Variants in LRRC74A observed in about 807,000 individuals in gnomAD.
LRRC74A encodes the protein leucine-rich repeat-containing protein 74A.
In LRRC74A, 44 loss-of-function variants were observed where a neutral mutation model predicts 57.9. The observed-to-expected ratio is 0.76, with a 90% CI of 0.60 to 0.98. The LOEUF is 0.98. LRRC74A is among the 50% of genes least tolerant of loss of function. LRRC74A has a pLI of 0.00. For missense variants in LRRC74A, 572 were observed against 574.0 expected (o/e 1.00, Z 0.04); for synonymous variants, 211 against 219.4 (o/e 0.96, Z 0.34).
intron 7 of LRRC74A, 49 bp from the exon 8 acceptor site, chr14:76,852,316 G>A: frequency 6.9e-7 from 1 of 1,443,376 alleles, no homozygotes; most frequent in Non-Finnish European, 9.6e-7. Context: ...TCTGAGAATG[G>A]GTTTTCTGGG....
chr14:76,842,441 A>C (rs1219492965), intron 5 of LRRC74A, among the ~76,000 whole-genome samples: 1 of 152,246 alleles, frequency 6.6e-6, no homozygotes, highest in Non-Finnish European at 1.5e-5. Context: ...CAGACTGGTG[A>C]AATCAGAATC....
chr14:76,845,685 A>G (rs768716716), intron 7 of LRRC74A, among the ~76,000 whole-genome samples: 10 of 152,222 alleles, frequency 6.6e-5, no homozygotes, highest in Non-Finnish European at 1.2e-4. Context: ...CATTTGAAAC[A>G]TGCATATGAT....
intron 2 of LRRC74A, chr14:76,829,182 A>G: frequency 7.8e-7 from 1 of 1,289,410 alleles, no homozygotes; most frequent in Non-Finnish European, 1.0e-6. Context: ...CAAACTTCCC[A>G]GGCCAAGCCT....
Position 76,853,366 on chromosome 14 carries a change from AT to A in LRRC74A, c.914del (p.Ile305ThrfsTer14). 1 of 1,613,150 alleles carries A rather than the reference AT, an allele frequency of 6.2e-7. No homozygotes were observed. The highest frequency in any genetic ancestry group is 8.5e-7 in the Non-Finnish European group (1 of 1,179,688). On this transcript the variant is annotated frameshift_variant, in exon 9 of 14. Transcript: ENST00000689127. LOFTEE classifies it high-confidence loss of function. ...NDIGNEGASK[I>X]SKGLESNESL... ...CATCGGCAATGAAGGGGCCTCCAAA[AT>A]CAGCAAAGGACTGGAATCCAATGAA... is the stretch of plus-strand genomic sequence containing the variant.
chr14:76,865,899 G>C (rs1012502025), intron 11 of LRRC74A, 69 bp from the exon 12 acceptor site: 1 of 1,227,130 alleles, frequency 8.1e-7, no homozygotes, highest in Non-Finnish European at 1.2e-6. Context: ...TTTTGTGGGA[G>C]GGAAGGGGGA....
intron 12 of LRRC74A, among the ~76,000 whole-genome samples, chr14:76,866,425 A>G (rs1292231767): frequency 1.3e-5 from 2 of 152,130 alleles, no homozygotes; most frequent in Non-Finnish European, 2.9e-5. Context: ...AAGTCCCAAC[A>G]TTTCCACCTT....
intron 4 of LRRC74A, 150 bp downstream of exon 4, chr14:76,836,464 C>T (rs1027028023): frequency 1.7e-6 from 1 of 573,502 alleles, no homozygotes; most frequent in East Asian, 2.9e-5. Context: ...AGGAGGGCCA[C>T]ATGTGAGAGG....
intron 11 of LRRC74A, among the ~76,000 whole-genome samples, chr14:76,861,771 G>A (rs1413585321): frequency 1.3e-5 from 2 of 152,224 alleles, no homozygotes; most frequent in Admixed American, 6.5e-5. Context: ...CCCTGCAGTG[G>A]GGGCAAGGAG....
intron 11 of LRRC74A, among the ~76,000 whole-genome samples, chr14:76,863,787 C>G (rs992420578): frequency 1.3e-5 from 2 of 152,224 alleles, no homozygotes; most frequent in Non-Finnish European, 1.5e-5. Context: ...CAAACAGACT[C>G]TTGTTAGATT....
intron 3 of LRRC74A, among the ~76,000 whole-genome samples, chr14:76,831,739 C>T (rs1470868144): frequency 1.3e-5 from 2 of 152,118 alleles, no homozygotes; most frequent in African/African-American, 4.8e-5. Context: ...GTCTTCATTC[C>T]AAAGCTCACT....
chr14:76,864,968 GATAA>G (rs570247377), intron 11 of LRRC74A, among the ~76,000 whole-genome samples: 6 of 152,362 alleles, frequency 3.9e-5, no homozygotes, highest in African/African-American at 1.4e-4. Flanking sequence ...AGATTAGATA[GATAA>G]ATGTTATACA....
chr14:76,859,487 T>C (rs1898134459), intron 10 of LRRC74A, among the ~76,000 whole-genome samples: 1 of 149,576 alleles, frequency 6.7e-6, no homozygotes, highest in East Asian at 2.0e-4. Context: ...TAAGCCAAGA[T>C]TGCACCATTG....
intron 3 of LRRC74A, among the ~76,000 whole-genome samples, chr14:76,834,903 A>G (rs967254485): frequency 3.3e-5 from 5 of 152,180 alleles, no homozygotes; most frequent in African/African-American, 1.2e-4. Flanking sequence ...ACCAGAAGAC[A>G]TTTCAGGAAG....
chr14:76,852,965 T>C (rs1395770444), intron 8 of LRRC74A, among the ~76,000 whole-genome samples: 1 of 152,096 alleles, frequency 6.6e-6, no homozygotes, highest in Non-Finnish European at 1.5e-5. Flanking sequence ...CAGGGTGACA[T>C]CTTTGGATAC....
At chr14:76,849,658 C>T (rs1001422814) in intron 7 of LRRC74A, among the ~76,000 whole-genome samples, 3 of 123,464 alleles carry the variant, frequency 2.4e-5, no homozygotes, top group African/African-American at 8.2e-5. Flanking sequence ...AAAAAATTAG[C>T]TGGACGTGGT....
chr14:76,859,403 G>A (rs191160299), intron 10 of LRRC74A, among the ~76,000 whole-genome samples: 57 of 152,004 alleles, frequency 3.7e-4, no homozygotes, highest in African/African-American at 1.3e-3. Context: ...CCATGGTGGC[G>A]CATGCCTGTA....
chr14:76,865,334 GA>G (rs1028300508), intron 11 of LRRC74A, among the ~76,000 whole-genome samples: 2 of 152,114 alleles, frequency 1.3e-5, no homozygotes, highest in African/African-American at 4.8e-5. Context: ...CATATTGGTG[GA>G]TTTTGGTATC....
intron 8 of LRRC74A, 148 bp downstream of exon 8, chr14:76,852,598 C>A: frequency 1.9e-6 from 1 of 525,558 alleles, no homozygotes; most frequent in Non-Finnish European, 3.2e-6. Context: ...ATTGTTCTCC[C>A]TCCCACAATT....
chr14:76,856,133 C>T (rs951077117), intron 9 of LRRC74A, among the ~76,000 whole-genome samples: 1 of 152,226 alleles, frequency 6.6e-6, no homozygotes. Flanking sequence ...TGCTTCTGCT[C>T]ACAAACATCT....
Sources: allele counts gnomAD v4.1 joint callset (sites outside exome capture counted in the v4.1 genomes callset), GRCh38; gene constraint gnomAD v4.1.1; transcripts MANE v1.5; gene names NCBI Gene and HGNC (gene_info 2026-07-23, HGNC 2026-07-21).